Variants in RASSF3 observed in about 807,000 individuals in gnomAD.
RASSF3 encodes ras association domain-containing protein 3.
In RASSF3, 19 loss-of-function variants were observed where a neutral mutation model predicts 19.9. That is an observed-to-expected ratio of 0.96 (90% CI 0.67 to 1.40). The LOEUF is 1.40. Among genes scored for constraint, RASSF3 ranks in the 40% most tolerant of loss-of-function variants. The pLI is 0.00. For synonymous variants in RASSF3, 110 were observed against 104.2 expected, an observed-to-expected ratio of 1.06 and a Z score of -0.34; for missense variants, 306 against 289.8, an observed-to-expected ratio of 1.06 and a Z score of -0.41.
chr12:64,616,940 C>G (rs549822144), intron 1 of RASSF3, among the ~76,000 whole-genome samples: 3 of 152,254 alleles, frequency 2.0e-5, no homozygotes, highest in Admixed American at 1.3e-4. Context: ...GTCTTAAAGC[C>G]CGCTGTTCTT....
chr12:64,532,760 A>G (rs184503679), upstream of RASSF3, among the ~76,000 whole-genome samples: 121 of 152,004 alleles, frequency 8.0e-4, 1 homozygote, highest in African/African-American at 2.7e-3. Context: ...TGCTTTAGCT[A>G]GGAGATCAAG....
intron 3 of RASSF3, among the ~76,000 whole-genome samples, chr12:64,689,720 A>G (rs2136222993): frequency 6.6e-6 from 1 of 151,372 alleles, no homozygotes; most frequent in South Asian, 2.1e-4. Context: ...CATGAGACAT[A>G]TATAGCTGTG....
intron 2 of RASSF3, among the ~76,000 whole-genome samples, chr12:64,577,871 A>G (rs1435568266): frequency 6.6e-6 from 1 of 152,214 alleles, no homozygotes; most frequent in Non-Finnish European, 1.5e-5. Flanking sequence ...ATATGCGAAG[A>G]TGTCTCAATC....
chr12:64,645,727 A>G (rs762520145), intron 1 of RASSF3, among the ~76,000 whole-genome samples: 1 of 151,560 alleles, frequency 6.6e-6, no homozygotes, highest in Non-Finnish European at 1.5e-5. Flanking sequence ...TTGTGTAGAT[A>G]TTCTTTTGAA....
At chr12:64,558,508 T>C (rs888171771) in intron 2 of RASSF3, among the ~76,000 whole-genome samples, 3 of 152,164 alleles carry the variant, frequency 2.0e-5, no homozygotes, top group African/African-American at 4.8e-5. Context: ...TGGGCAGTTC[T>C]GGGGGTGTGG....
At chr12:64,601,398 T>C (rs1870089028) in intron 2 of RASSF3, among the ~76,000 whole-genome samples, 1 of 152,236 alleles carries the variant, frequency 6.6e-6, no homozygotes, top group Non-Finnish European at 1.5e-5. Flanking sequence ...TTTACTACCA[T>C]GACTTAAGTT....
At chr12:64,616,016 T>C (rs1465579628) in intron 1 of RASSF3, among the ~76,000 whole-genome samples, 2 of 152,202 alleles carry the variant, frequency 1.3e-5, no homozygotes, top group African/African-American at 2.4e-5. Flanking sequence ...TCCCGTATTA[T>C]GGGGCATAAA....
intron 1 of RASSF3, among the ~76,000 whole-genome samples, chr12:64,648,050 G>A (rs11175500): frequency 0.081 from 12,262 of 152,278 alleles, 531 homozygotes; most frequent in Non-Finnish European, 0.091. Context: ...AGCAGAAGAT[G>A]TTTGAGCTGT....
intron 1 of RASSF3, among the ~76,000 whole-genome samples, chr12:64,518,933 C>A (rs984784214): frequency 6.6e-6 from 1 of 152,086 alleles, no homozygotes; most frequent in Non-Finnish European, 1.5e-5. Flanking sequence ...GATGGGGATA[C>A]CTTTATTACC....
At chr12:64,678,362 C>T (rs1333537959) in intron 1 of RASSF3, among the ~76,000 whole-genome samples, 1 of 152,154 alleles carries the variant, frequency 6.6e-6, no homozygotes, top group African/African-American at 2.4e-5. Context: ...CAGAATCTAG[C>T]CTCACTTGGA....
intron 1 of RASSF3, among the ~76,000 whole-genome samples, chr12:64,540,767 C>T (rs1868921229): frequency 6.6e-6 from 1 of 152,180 alleles, no homozygotes; most frequent in Non-Finnish European, 1.5e-5. Context: ...CTGCAGTAAG[C>T]TATGATTGCA....
At chr12:64,665,398 CTTAA>C (rs994923629) in intron 1 of RASSF3, among the ~76,000 whole-genome samples, 31 of 152,130 alleles carry the variant, frequency 2.0e-4, no homozygotes, top group African/African-American at 7.2e-4. Flanking sequence ...AGTCAGATTG[CTTAA>C]TTGATACACA....
intron 2 of RASSF3, among the ~76,000 whole-genome samples, chr12:64,551,050 T>G (rs1869152039): frequency 6.6e-6 from 1 of 151,972 alleles, no homozygotes; most frequent in Admixed American, 6.6e-5. Flanking sequence ...TCACCCTTAT[T>G]CAAATTCAGA....
chr12:64,616,715 C>T (rs1027601470), intron 1 of RASSF3, among the ~76,000 whole-genome samples: 1 of 152,218 alleles, frequency 6.6e-6, no homozygotes, highest in African/African-American at 2.4e-5. Flanking sequence ...TGAAGAGCTA[C>T]ACACATTTGC....
intron 1 of RASSF3, among the ~76,000 whole-genome samples, chr12:64,658,807 G>A (rs1430992270): frequency 1.3e-5 from 2 of 152,094 alleles, no homozygotes; most frequent in Admixed American, 6.6e-5. Flanking sequence ...GATGGCTCAC[G>A]CCTGTAATCC....
At position 64,580,575 on chromosome 12, in the gene RASSF3, A is replaced by AACACACACACACACAC. The variant is rs201737911; in HGVS notation, c.294+38894_294+38909dup. Among the ~76,000 whole-genome samples, 52 of 141,404 alleles carry AACACACACACACACAC rather than the reference A, an allele frequency of 3.7e-4. 1 individual carries two copies. The highest frequency in any genetic ancestry group is 1.3e-3 in the African/African-American group (51 of 37,808). The allele number at this position is 141,404 out of a possible 152,430, so 92.8% of individuals were successfully genotyped here. A position where few individuals can be genotyped will look rare whatever the true frequency, so the allele number is the denominator to read the frequency against. On this transcript the variant is annotated intron_variant, in intron 2 of 5. Coordinates refer to the RASSF3 transcript ENST00000637125. ...TGAGACCTTGTCTCTTTTTTAGGAA[A>AACACACACACACACAC]ACACACACACACACACACACACACA...
chr12:64,580,310 T>C (rs917925811), intron 2 of RASSF3, among the ~76,000 whole-genome samples: 1 of 152,018 alleles, frequency 6.6e-6, no homozygotes, highest in South Asian at 2.1e-4. Flanking sequence ...AAATTGCACA[T>C]GGTAAAGGTA....
downstream of RASSF3, among the ~76,000 whole-genome samples, chr12:64,546,170 G>A (rs1473600082): frequency 6.6e-6 from 1 of 151,324 alleles, no homozygotes; most frequent in Non-Finnish European, 1.5e-5. Context: ...TATACACGCA[G>A]GTGATAATGA....
chr12:64,684,009 A>AGAGTGTGT (rs1375668873), intron 1 of RASSF3, among the ~76,000 whole-genome samples: 2 of 73,908 alleles, frequency 2.7e-5, no homozygotes, highest in African/African-American at 8.9e-5. Context: ...AGAGAGAGAG[A>AGAGTGTGT]GTGAGTGTGT....
Sources: allele counts gnomAD v4.1 joint callset (sites outside exome capture counted in the v4.1 genomes callset), GRCh38; gene constraint gnomAD v4.1.1; transcripts MANE v1.5; gene names NCBI Gene and HGNC (gene_info 2026-07-23, HGNC 2026-07-21).